AFF2: variants seen among roughly 807,000 people sequenced by gnomAD.
AFF2 encodes the protein ALF transcription elongation factor 2, also known as AF4/FMR2 family member 2.
A neutral mutation model predicts 76.9 loss-of-function variants in AFF2; 14 were observed. That is an observed-to-expected ratio of 0.18 (90% CI 0.12 to 0.28). AFF2 has a LOEUF of 0.28. Ranked by LOEUF, AFF2 falls within the 10% of genes least tolerant of loss-of-function variation. AFF2 has a pLI of 1.00. For missense variants in AFF2, 868 were observed against 1,001.1 expected (o/e 0.87, Z 1.79); for synonymous variants, 398 against 366.7 (o/e 1.09, Z -0.98).
intron 1 of AFF2, among the ~76,000 whole-genome samples, chrX:148,648,766 C>A (rs781969805): frequency 3.6e-5 from 4 of 109,689 alleles, no homozygotes; most frequent in Non-Finnish European, 5.7e-5. Context: ...AAACCTAAGG[C>A]CTTTGGTTAA....
chrX:148,827,682 A>G (rs1316090261), intron 4 of AFF2, among the ~76,000 whole-genome samples: 3 of 112,086 alleles, frequency 2.7e-5, no homozygotes, highest in Admixed American at 9.5e-5. Context: ...TTTTATTTCT[A>G]CTTCGAATGG....
chrX:148,912,805 G>T (rs1557282119), intron 9 of AFF2, among the ~76,000 whole-genome samples: 2 of 110,973 alleles, frequency 1.8e-5, no homozygotes, highest in Non-Finnish European at 3.8e-5. Flanking sequence ...TTTTGGGGTG[G>T]GTCCCACCGA....
chrX:148,652,192 C>T, intron 2 of AFF2, 61 bp downstream of exon 2: 1 of 903,832 alleles, frequency 1.1e-6, no homozygotes, highest in Non-Finnish European at 1.6e-6. Flanking sequence ...CACTAATCAA[C>T]ATTTAATTTA....
chrX:148,840,678 A>G (rs1224502257), intron 5 of AFF2, among the ~76,000 whole-genome samples: 2 of 112,787 alleles, frequency 1.8e-5, no homozygotes, highest in African/African-American at 6.4e-5. Flanking sequence ...TTTAAAATAA[A>G]TTTGTATTAT....
chrX:148,715,471 G>A (rs782542010), intron 3 of AFF2, among the ~76,000 whole-genome samples: 39 of 110,856 alleles, frequency 3.5e-4, no homozygotes, highest in Non-Finnish European at 6.4e-4. Flanking sequence ...TGCATGCTCC[G>A]GATGATTCCA....
chrX:148,759,247 C>T (rs887779139), intron 3 of AFF2, among the ~76,000 whole-genome samples: 5 of 112,138 alleles, frequency 4.5e-5, no homozygotes, highest in African/African-American at 1.6e-4. Context: ...AGAATCTTTA[C>T]AGAAAGCTGC....
intron 3 of AFF2, among the ~76,000 whole-genome samples, chrX:148,681,281 G>T (rs1027762902): frequency 4.5e-5 from 5 of 111,662 alleles, no homozygotes; most frequent in Non-Finnish European, 9.4e-5. Context: ...ATACCTTGGG[G>T]CTGCTTATGT....
At chrX:148,934,634 G>T (rs1162710629) in intron 9 of AFF2, among the ~76,000 whole-genome samples, 1 of 111,947 alleles carries the variant, frequency 8.9e-6, no homozygotes, top group African/African-American at 3.2e-5. Flanking sequence ...AGTCTCATTC[G>T]AACCTTGATG....
At chrX:148,559,833 A>T (rs2053090728) in intron 1 of AFF2, among the ~76,000 whole-genome samples, 1 of 111,374 alleles carries the variant, frequency 9.0e-6, no homozygotes. Context: ...CTAGTTCTAG[A>T]TCCTTGAGGA....
intron 4 of AFF2, among the ~76,000 whole-genome samples, chrX:148,830,877 A>G (rs1228108331): frequency 9.9e-5 from 11 of 111,229 alleles, no homozygotes; most frequent in African/African-American, 3.6e-4. Flanking sequence ...CCTCATCCTA[A>G]TAAGCCTGGG....
intron 3 of AFF2, among the ~76,000 whole-genome samples, chrX:148,665,482 G>A (rs782073352): frequency 1.4e-3 from 158 of 111,676 alleles, no homozygotes; most frequent in Non-Finnish European, 2.1e-3. Context: ...TGACAGAAGA[G>A]TAGAGAGAAG....
At chrX:148,821,341 G>A (rs1255116757) in intron 4 of AFF2, among the ~76,000 whole-genome samples, 1 of 110,727 alleles carries the variant, frequency 9.0e-6, no homozygotes, top group Admixed American at 9.6e-5. Flanking sequence ...AAGGGTAGAA[G>A]GAGGTGAGGT....
intron 1 of AFF2, among the ~76,000 whole-genome samples, chrX:148,575,867 A>G (rs950524407): frequency 9.2e-6 from 1 of 109,038 alleles, no homozygotes; most frequent in Non-Finnish European, 1.9e-5. Flanking sequence ...TTATAATATT[A>G]TATATATAAT....
At chrX:148,541,255 C>A in intron 1 of AFF2, among the ~76,000 whole-genome samples, 1 of 112,442 alleles carries the variant, frequency 8.9e-6, no homozygotes, top group Admixed American at 9.4e-5. Flanking sequence ...ATACAGTTAA[C>A]GTTTCATTAC....
At chrX:148,986,326 G>A (rs2072471331) in intron 19 of AFF2, among the ~76,000 whole-genome samples, 1 of 112,094 alleles carries the variant, frequency 8.9e-6, no homozygotes, top group African/African-American at 3.2e-5. Flanking sequence ...GAACCAGAGG[G>A]GCACACAGAC....
At chrX:148,618,074 A>G (rs1238578731) in intron 1 of AFF2, among the ~76,000 whole-genome samples, 1 of 111,504 alleles carries the variant, frequency 9.0e-6, no homozygotes, top group Non-Finnish European at 1.9e-5. Context: ...GAATATCTAT[A>G]GTTTATATTA....
Position 148,577,511 on chromosome X carries a change from A to G in AFF2, c.48-74488A>G, listed in dbSNP as rs539881225. The stretch of plus-strand genomic sequence containing the variant: ...GGCTCCCAAACCTCTGCTTTCCTAG[A>G]CTGATGAAGGAAGTGATTAGTAATA... On this transcript the variant is annotated intron_variant, in intron 1 of 20. Coordinates refer to ENST00000370460, the MANE Select transcript of AFF2 (RefSeq NM_002025.4). 7.1e-5 allele frequency among the ~76,000 whole-genome samples: 8 copies of G among 112,296 alleles called. No homozygotes were observed. In the South Asian group the frequency reaches 3.0e-3, roughly 42 times the overall value.
chrX:148,687,058 T>C (rs1287719940), intron 3 of AFF2, among the ~76,000 whole-genome samples: 1 of 111,807 alleles, frequency 8.9e-6, no homozygotes, highest in Non-Finnish European at 1.9e-5. Context: ...TATAGATACT[T>C]TAACGCTTAA....
intron 9 of AFF2, among the ~76,000 whole-genome samples, chrX:148,932,400 C>T (rs1209174128): frequency 1.8e-5 from 2 of 111,857 alleles, no homozygotes; most frequent in Non-Finnish European, 3.8e-5. Flanking sequence ...TTGTTGTTCC[C>T]TTTTGCATAA....
Sources: gnomAD v4.1 joint callset for allele counts (sites outside exome capture counted in the v4.1 genomes callset) on GRCh38, gnomAD v4.1.1 for gene constraint, MANE v1.5 for transcripts, NCBI Gene and HGNC (gene_info 2026-07-23, HGNC 2026-07-21) for gene names.